Variants in SH3D19 observed in about 807,000 individuals in gnomAD.
SH3D19 encodes the protein SH3 domain containing 19, also known as SH3 domain-containing protein 19.
Under a neutral mutation model 112.1 loss-of-function variants are expected in SH3D19, and 58 were observed. That is an observed-to-expected ratio of 0.52 (90% confidence interval 0.42 to 0.64). The LOEUF is 0.64. Among genes scored for constraint, SH3D19 ranks in the 30% least tolerant of loss-of-function variants. The pLI is 0.00. For missense variants in SH3D19, 1,090 were observed against 1,263.4 expected, an observed-to-expected ratio of 0.86 and a Z score of 2.08; for synonymous variants, 391 against 448.5, an observed-to-expected ratio of 0.87 and a Z score of 1.62.
intron 1 of SH3D19, chr4:151,291,351 T>C (rs1775322382): frequency 3.1e-6 from 5 of 1,614,028 alleles, no homozygotes; most frequent in Non-Finnish European, 4.2e-6. Flanking sequence ...CCTGTGCCTT[T>C]GGACCTAACA....
chr4:151,121,312 A>T lies in SH3D19; in HGVS notation c.*779T>A, dbSNP rs1747945878. 1 of 152,680 alleles carries T rather than the reference A, an allele frequency of 6.5e-6. No individual in the cohort carries two copies. Among genetic ancestry groups the T allele is most frequent in the African/African-American group, 2.4e-5 (1 of 41,470 alleles). 9.5% of individuals were successfully genotyped at this position (152,680 alleles called of 1,614,324 possible). On this transcript the variant is annotated 3_prime_UTR_variant, in exon 20 of 20. Transcript: ENST00000604030. ...AAAGGAATGATTGCAGATTCAGAAA[A>T]TGTGCTTTGTAATAACCCTGTTAAC...
At chr4:151,276,701 T>C (rs1316255660) in intron 1 of SH3D19, among the ~76,000 whole-genome samples, 1 of 152,208 alleles carries the variant, frequency 6.6e-6, no homozygotes, top group African/African-American at 2.4e-5. Flanking sequence ...TTAGAGTCTG[T>C]TTCCCAGGAA....
intron 2 of SH3D19, among the ~76,000 whole-genome samples, chr4:151,223,731 A>C (rs1386971360): frequency 2.6e-5 from 4 of 151,994 alleles, no homozygotes; most frequent in African/African-American, 4.8e-5. Context: ...TTTAGCTTTG[A>C]CTTTTATCTT....
At chr4:151,317,604 A>G (rs1730114898) in intron 1 of SH3D19, among the ~76,000 whole-genome samples, 1 of 152,202 alleles carries the variant, frequency 6.6e-6, no homozygotes, top group Non-Finnish European at 1.5e-5. Flanking sequence ...TGATCAACTC[A>G]CCTCTGATTT....
At chr4:151,325,187 G>A in intron 1 of SH3D19, 54 bp downstream of exon 1, 1 of 1,022,608 alleles carries the variant, frequency 9.8e-7, no homozygotes, top group Non-Finnish European at 1.2e-6. Context: ...GACCCGAGCG[G>A]CCCCAGAGCG....
intron 3 of SH3D19, among the ~76,000 whole-genome samples, chr4:151,182,302 T>C (rs17505752): frequency 0.025 from 3,863 of 152,300 alleles, 87 homozygotes; most frequent in Non-Finnish European, 0.04. Flanking sequence ...CTGCAGTTTT[T>C]AACAACGGTT....
chr4:151,215,036 C>T (rs1347428270), intron 2 of SH3D19, among the ~76,000 whole-genome samples: 6 of 143,366 alleles, frequency 4.2e-5, no homozygotes, highest in Non-Finnish European at 9.1e-5. Flanking sequence ...CCAGACGGGG[C>T]GGCGGGGCAA....
At chr4:151,298,372 T>C (rs1297613406) in intron 1 of SH3D19, among the ~76,000 whole-genome samples, 1 of 151,968 alleles carries the variant, frequency 6.6e-6, no homozygotes, top group African/African-American at 2.4e-5. Flanking sequence ...AAGAGGAAGT[T>C]TCACCATGTT....
chr4:151,245,163 A>AAAT (rs1554061535), intron 1 of SH3D19, among the ~76,000 whole-genome samples: 1 of 151,364 alleles, frequency 6.6e-6, no homozygotes, highest in African/African-American at 2.4e-5. Flanking sequence ...AAATAAAATA[A>AAAT]AATAATAATA....
intron 1 of SH3D19, among the ~76,000 whole-genome samples, chr4:151,265,455 A>T (rs1015873045): frequency 6.6e-6 from 1 of 152,078 alleles, no homozygotes; most frequent in South Asian, 2.1e-4. Flanking sequence ...AAATCACAAA[A>T]TATAACAGTT....
intron 1 of SH3D19, among the ~76,000 whole-genome samples, chr4:151,276,736 C>T (rs1773659934): frequency 1.3e-5 from 2 of 152,216 alleles, no homozygotes; most frequent in Admixed American, 1.3e-4. Flanking sequence ...GCAGCTAACA[C>T]TGTAACAGAA....
intron 2 of SH3D19, among the ~76,000 whole-genome samples, chr4:151,206,235 A>G (rs1173607553): frequency 2.6e-5 from 4 of 152,212 alleles, no homozygotes; most frequent in African/African-American, 9.6e-5. Context: ...GAGTATATAC[A>G]AATAAATGAT....
At chr4:151,286,154 C>T (rs1277840047) in intron 1 of SH3D19, among the ~76,000 whole-genome samples, 2 of 122,098 alleles carry the variant, frequency 1.6e-5, no homozygotes, top group East Asian at 5.4e-4. Context: ...GTGCTCCAGG[C>T]TGGGTGACAC....
chr4:151,158,514 C>T (rs948870165), intron 9 of SH3D19, among the ~76,000 whole-genome samples: 3 of 151,768 alleles, frequency 2.0e-5, no homozygotes, highest in Admixed American at 6.6e-5. Context: ...TAACCAGGCT[C>T]GTCTCGAACT....
chr4:151,133,810 GATT>G (rs1334324336), intron 15 of SH3D19, among the ~76,000 whole-genome samples: 2 of 152,124 alleles, frequency 1.3e-5, no homozygotes, highest in East Asian at 3.9e-4. Flanking sequence ...CTTTAAAAAT[GATT>G]TTTTTAATCT....
intron 19 of SH3D19, among the ~76,000 whole-genome samples, chr4:151,126,257 C>T (rs777739917): frequency 6.6e-5 from 10 of 152,104 alleles, no homozygotes; most frequent in Non-Finnish European, 1.0e-4. Context: ...CAAGTGAAAA[C>T]CCTGTTTGGT....
At chr4:151,321,192 C>A (rs1022309675) in intron 1 of SH3D19, among the ~76,000 whole-genome samples, 3 of 152,128 alleles carry the variant, frequency 2.0e-5, no homozygotes, top group Admixed American at 6.5e-5. Context: ...CCCACCCAAG[C>A]TATCCTTCCT....
Position 151,312,914 on chromosome 4 carries a change from AT to A in SH3D19, c.112+12326del, listed in dbSNP as rs201346367. 4.7e-5 allele frequency among the ~76,000 whole-genome samples: 7 copies of A among 150,202 alleles called. No homozygotes were observed. The South Asian group carries it at 1.1e-3, about 23-fold the overall frequency. Reference sequence around the variant, plus strand: ...AGACTCCATCTCAAAAAAAAAAAAAATAAATAAAATAAATAAATAAATAAAT... The same window carrying A: ...AGACTCCATCTCAAAAAAAAAAAAAAAAATAAAATAAATAAATAAATAAAT... On this transcript the variant is annotated intron_variant, in intron 1 of 19. Coordinates refer to ENST00000604030, the MANE Select transcript of SH3D19 (RefSeq NM_001378122.1).
chr4:151,176,746 G>A lies in SH3D19; in HGVS notation c.376-59C>T, dbSNP rs1377322980. 2.4e-6 allele frequency: 3 copies of A among 1,227,798 alleles called. No individual in the cohort carries two copies. In the African/African-American group the frequency reaches 4.7e-5, roughly 19 times the overall value. 76.1% of individuals were successfully genotyped at this position (1,227,798 alleles called of 1,614,324 possible). A position where few individuals can be genotyped will look rare whatever the true frequency, so the allele number is the denominator to read the frequency against. On this transcript the variant is annotated intron_variant, in intron 5 of 19. Transcript: ENST00000604030. ...AAGGGCAATAGCTAAGGTGTTGACA[G>A]TCTCACTGTTCTTATCTTCCAATTT...
Sources: gnomAD v4.1 joint callset for allele counts (sites outside exome capture counted in the v4.1 genomes callset) on GRCh38, gnomAD v4.1.1 for gene constraint, MANE v1.5 for transcripts, NCBI Gene and HGNC (gene_info 2026-07-23, HGNC 2026-07-21) for gene names.